EEFSEC: variants seen among roughly 807,000 people sequenced by gnomAD.
EEFSEC encodes the protein eukaryotic elongation factor, selenocysteine-tRNA specific.
In EEFSEC, 43 loss-of-function variants were observed where a neutral mutation model predicts 42.1. The ratio of observed to expected loss-of-function variants is 1.02; its 90% CI spans 0.80 to 1.32. EEFSEC has a LOEUF of 1.32. Ranked by LOEUF, EEFSEC falls within the 40% of genes most tolerant of loss-of-function variation. EEFSEC has a pLI of 0.00. For missense variants in EEFSEC, 745 were observed against 803.6 expected (o/e 0.93, Z 0.88); for synonymous variants, 354 against 339.1 (o/e 1.04, Z -0.48).
intron 6 of EEFSEC, among the ~76,000 whole-genome samples, chr3:128,358,761 T>C (rs1228157445): frequency 6.6e-6 from 1 of 152,078 alleles, no homozygotes; most frequent in Non-Finnish European, 1.5e-5. Context: ...TCCTGGCACG[T>C]GGTAAGGTTT....
intron 4 of EEFSEC, among the ~76,000 whole-genome samples, chr3:128,311,620 C>T (rs994212177): frequency 6.6e-6 from 1 of 152,230 alleles, no homozygotes; most frequent in South Asian, 2.1e-4. Flanking sequence ...CCAGCAGCTG[C>T]CTTGTCCTTT....
At chr3:128,343,465 C>T (rs975506915) in intron 5 of EEFSEC, among the ~76,000 whole-genome samples, 1 of 152,118 alleles carries the variant, frequency 6.6e-6, no homozygotes, top group African/African-American at 2.4e-5. Context: ...CCGGGGGGGC[C>T]GCTGGGGCCT....
intron 1 of EEFSEC, among the ~76,000 whole-genome samples, chr3:128,170,493 C>T (rs1225147116): frequency 1.3e-5 from 2 of 151,332 alleles, no homozygotes; most frequent in African/African-American, 4.9e-5. Flanking sequence ...AGAGTGAGAC[C>T]ACGTCTAAAA....
At chr3:128,356,975 C>CCATCTTCTCCTGA (rs766169500) in intron 5 of EEFSEC, among the ~76,000 whole-genome samples, 1 of 152,224 alleles carries the variant, frequency 6.6e-6, no homozygotes, top group East Asian at 1.9e-4. Flanking sequence ...GGTGGAGCTC[C>CCATCTTCTCCTGA]CATCTTCTCC....
chr3:128,266,139 C>G (rs117984134), intron 4 of EEFSEC, among the ~76,000 whole-genome samples: 1 of 152,268 alleles, frequency 6.6e-6, no homozygotes, highest in East Asian at 1.9e-4. Flanking sequence ...TGAAGCCCAC[C>G]TACATTATAG....
At chr3:128,403,300 G>A (rs759321605) in intron 6 of EEFSEC, among the ~76,000 whole-genome samples, 6 of 152,216 alleles carry the variant, frequency 3.9e-5, no homozygotes, top group Non-Finnish European at 7.3e-5. Flanking sequence ...GTGCAGAAGG[G>A]CAGCGAGGAG....
rs531469405 is a variant in EEFSEC at position 128,371,546 on chromosome 3, G to C, written c.1600+13173G>C. On this transcript the variant is annotated intron_variant, in intron 6 of 6. Transcript: ENST00000254730. The stretch of plus-strand genomic sequence containing the variant: ...AAGCAAGTGGCAGAAGGAACTGGTG[G>C]TTGGTGTGCAGGGAGGAACACAGTC... Among the ~76,000 whole-genome samples, 40 of 152,294 alleles carry C rather than the reference G, an allele frequency of 2.6e-4. 1 individual carries two copies. In the South Asian group the frequency reaches 8.3e-3, roughly 32 times the overall value.
At chr3:128,276,064 T>TC (rs1297477762) in intron 4 of EEFSEC, among the ~76,000 whole-genome samples, 2 of 152,160 alleles carry the variant, frequency 1.3e-5, no homozygotes, top group East Asian at 3.9e-4. Context: ...CCCTGTGCTT[T>TC]CACTCCAGCT....
At chr3:128,155,820 C>T (rs1460953943) in intron 1 of EEFSEC, among the ~76,000 whole-genome samples, 1 of 152,188 alleles carries the variant, frequency 6.6e-6, no homozygotes, top group Non-Finnish European at 1.5e-5. Context: ...ATCATTTCCC[C>T]ATTTTACAGT....
At chr3:128,296,883 G>T (rs966623244) in intron 4 of EEFSEC, among the ~76,000 whole-genome samples, 1 of 152,236 alleles carries the variant, frequency 6.6e-6, no homozygotes, top group Non-Finnish European at 1.5e-5. Flanking sequence ...TTGGAGTGGG[G>T]TAGAGGAATT....
chr3:128,170,499 T>TA (rs78919650), intron 1 of EEFSEC, among the ~76,000 whole-genome samples: 38 of 140,208 alleles, frequency 2.7e-4, no homozygotes, highest in South Asian at 4.6e-4. Context: ...AGACCACGTC[T>TA]AAAAAAAAAA....
intron 1 of EEFSEC, among the ~76,000 whole-genome samples, chr3:128,163,705 C>T (rs1033854146): frequency 2.6e-5 from 4 of 151,970 alleles, no homozygotes; most frequent in African/African-American, 9.7e-5. Context: ...ATTCCCCATT[C>T]GCCCCTCTCC....
At chr3:128,170,371 A>G (rs1439464895) in intron 1 of EEFSEC, among the ~76,000 whole-genome samples, 1 of 152,116 alleles carries the variant, frequency 6.6e-6, no homozygotes, top group Non-Finnish European at 1.5e-5. Flanking sequence ...AGACCAGCCT[A>G]GCCAACATGA....
chr3:128,356,573 C>A (rs937226220), intron 5 of EEFSEC, among the ~76,000 whole-genome samples: 1 of 152,164 alleles, frequency 6.6e-6, no homozygotes, highest in African/African-American at 2.4e-5. Flanking sequence ...AAATGCACTT[C>A]TTGGTTTGTT....
intron 4 of EEFSEC, among the ~76,000 whole-genome samples, chr3:128,265,498 G>A (rs1248872239): frequency 6.6e-6 from 1 of 152,146 alleles, no homozygotes; most frequent in East Asian, 1.9e-4. Context: ...CAGCCTCATT[G>A]ACTGCCCTCC....
the EEFSEC span, among the ~76,000 whole-genome samples, chr3:128,415,374 G>A: frequency 7.2e-5 from 11 of 152,200 alleles, no homozygotes; most frequent in Non-Finnish European, 1.2e-4. Context: ...AGGGTGGTGG[G>A]GTGGAGCCTC....
At chr3:128,266,980 G>A (rs2066361003) in intron 4 of EEFSEC, among the ~76,000 whole-genome samples, 1 of 152,040 alleles carries the variant, frequency 6.6e-6, no homozygotes. Flanking sequence ...AGACCTCTGG[G>A]GGCCACTCTG....
intron 6 of EEFSEC, among the ~76,000 whole-genome samples, chr3:128,392,013 G>A (rs2067919142): frequency 2.0e-5 from 3 of 152,212 alleles, no homozygotes; most frequent in African/African-American, 7.2e-5. Flanking sequence ...TCCTGTCTTT[G>A]CGGAGAGCAT....
At chr3:128,387,210 G>A (rs1283320281) in intron 6 of EEFSEC, among the ~76,000 whole-genome samples, 1 of 152,186 alleles carries the variant, frequency 6.6e-6, no homozygotes, top group Non-Finnish European at 1.5e-5. Flanking sequence ...TGGACTGGGG[G>A]GCTTTGGCTC....
Sources: gnomAD v4.1 joint callset for allele counts (sites outside exome capture counted in the v4.1 genomes callset) on GRCh38, gnomAD v4.1.1 for gene constraint, MANE v1.5 for transcripts, NCBI Gene and HGNC (gene_info 2026-07-23, HGNC 2026-07-21) for gene names.